NSUN7: variants seen among roughly 807,000 people sequenced by gnomAD.
NSUN7 encodes the protein NOP2/Sun RNA methyltransferase family member 7.
Under a neutral mutation model 58.5 loss-of-function variants are expected in NSUN7, and 39 were observed. That is an observed-to-expected ratio of 0.67 (90% CI 0.52 to 0.87). The LOEUF is 0.87. NSUN7 is among the 40% of genes least tolerant of loss of function. The pLI is 0.00. For synonymous variants in NSUN7, 278 were observed against 303.7 expected, an observed-to-expected ratio of 0.92 and a Z score of 0.88; for missense variants, 765 against 844.1, an observed-to-expected ratio of 0.91 and a Z score of 1.16.
At chr4:40,757,758 A>G (rs1365792038) in intron 2 of NSUN7, among the ~76,000 whole-genome samples, 2 of 150,108 alleles carry the variant, frequency 1.3e-5, no homozygotes, top group Non-Finnish European at 3.0e-5. Flanking sequence ...ACATACATAC[A>G]CAAAAGTAAT....
chr4:40,758,832 C>T (rs1741300818), intron 2 of NSUN7, among the ~76,000 whole-genome samples: 1 of 152,008 alleles, frequency 6.6e-6, no homozygotes, highest in Non-Finnish European at 1.5e-5. Context: ...TTGCAGTAAG[C>T]TGTGACAGCA....
intron 7 of NSUN7, among the ~76,000 whole-genome samples, chr4:40,782,617 C>G (rs1031343870): frequency 6.6e-6 from 1 of 151,696 alleles, no homozygotes; most frequent in Non-Finnish European, 1.5e-5. Flanking sequence ...TCCGTAATCT[C>G]AGCACTTTGG....
intron 7 of NSUN7, among the ~76,000 whole-genome samples, chr4:40,783,581 C>T (rs1742675213): frequency 6.6e-6 from 1 of 152,162 alleles, no homozygotes; most frequent in Non-Finnish European, 1.5e-5. Context: ...GGCACGGTGG[C>T]TCATGCCTGT....
chr4:40,752,082 T>C (rs372355908), intron 2 of NSUN7, among the ~76,000 whole-genome samples: 14 of 152,346 alleles, frequency 9.2e-5, no homozygotes, highest in African/African-American at 3.4e-4. Context: ...TAGCTGTGAC[T>C]AAAAACTTTA....
intron 8 of NSUN7, among the ~76,000 whole-genome samples, chr4:40,792,567 C>G (rs556402472): frequency 6.6e-6 from 1 of 151,990 alleles, no homozygotes; most frequent in Non-Finnish European, 1.5e-5. Context: ...CTGGCTAACA[C>G]GGTGAAACCC....
rs554419808 is a variant in NSUN7, at chr4:40,805,273, TCTCTGGAGG to T, written c.1401-1781_1401-1773del. Among the ~76,000 whole-genome samples the T allele has an allele frequency of 2.7e-3, 412 of 152,218 alleles. 2 individuals carry two copies. Among genetic ancestry groups the T allele is most frequent in the African/African-American group, 9.4e-3 (390 of 41,520 alleles). ...GCTCAGGATATGAGCTAGGCTGAAG[TCTCTGGAGG>T]CTCTGGGAACAGTTTACTTCCAAAC... On this transcript the variant is annotated intron_variant, in intron 10 of 11. Coordinates refer to ENST00000381782, the MANE Select transcript of NSUN7 (RefSeq NM_024677.6).
chr4:40,783,798 AG>A (rs1742686131), intron 7 of NSUN7, among the ~76,000 whole-genome samples: 1 of 152,134 alleles, frequency 6.6e-6, no homozygotes, highest in Non-Finnish European at 1.5e-5. Flanking sequence ...CAGTGAGCCA[AG>A]ATTGTGCCAC....
chr4:40,775,207 A>C lies in NSUN7; in HGVS notation c.825+257A>C, dbSNP rs1290372960. The C allele has an allele frequency of 4.9e-6, 1 of 204,182 alleles. No homozygotes were observed. The highest frequency in any genetic ancestry group is 2.3e-5 in the African/African-American group (1 of 43,598). 12.6% of individuals were successfully genotyped at this position (204,182 alleles called of 1,614,324 possible). A position where few individuals can be genotyped will look rare whatever the true frequency, so the allele number is the denominator to read the frequency against. On this transcript the variant is annotated intron_variant, in intron 6 of 11. Coordinates refer to ENST00000381782, the MANE Select transcript of NSUN7 (RefSeq NM_024677.6). The surrounding 1 kb of genome is among the most constrained non-coding windows in gnomAD (Gnocchi z 4.3). ...GAATGGGAAGATTTGCATTGCTGGC[A>C]GCTGTAAGGTTCTACTTTTCTCCCC...
At chr4:40,786,193 T>G in intron 7 of NSUN7, 1 of 1,613,740 alleles carries the variant, frequency 6.2e-7, no homozygotes, top group Non-Finnish European at 8.5e-7. Context: ...TATTCTGGGT[T>G]TGGACTGTGC....
At chr4:40,770,694 A>G (rs1051902639) in intron 4 of NSUN7, among the ~76,000 whole-genome samples, 2 of 152,250 alleles carry the variant, frequency 1.3e-5, no homozygotes, top group African/African-American at 2.4e-5. Context: ...ATGTAAATGT[A>G]TATTACAAAA....
At chr4:40,795,055 A>G (rs2154288858) in intron 9 of NSUN7, among the ~76,000 whole-genome samples, 1 of 152,320 alleles carries the variant, frequency 6.6e-6, no homozygotes, top group South Asian at 2.1e-4. Flanking sequence ...TCTCTGAGAA[A>G]TTAATAAGCT....
In NSUN7 at chr4:40,774,349, A is replaced by T. The variant is rs1742161988; in HGVS notation, c.573A>T (p.Thr191=). The T allele has an allele frequency of 1.5e-5, 24 of 1,613,872 alleles. No homozygotes were observed. The East Asian group carries it at 5.3e-4, about 36-fold the overall frequency. ...ALSIYHILPE[T]VRKQELRAST... is the part of the protein sequence containing the mutation. ...CAATTTACCACATCCTTCCAGAAAC[A>T]GTTAGGAAACAGGAACTAAGGGCCT... The change falls in exon 5 of 12, where the codon ACA becomes ACT. Residue 191 remains threonine, a synonymous_variant. Transcript: ENST00000381782.
intron 1 of NSUN7, 115 bp from the exon 2 acceptor site, chr4:40,750,488 A>C: frequency 4.1e-6 from 2 of 482,162 alleles, no homozygotes; most frequent in East Asian, 3.7e-5. Flanking sequence ...AGTCTGGGAC[A>C]CTCAGATGGG....
At chr4:40,769,828 C>G (rs751184489) in intron 4 of NSUN7, among the ~76,000 whole-genome samples, 1 of 152,178 alleles carries the variant, frequency 6.6e-6, no homozygotes, top group Non-Finnish European at 1.5e-5. Context: ...TTTCACTTAC[C>G]TAGTAAAGAG....
At chr4:40,754,309 G>C (rs1409317863) in intron 2 of NSUN7, among the ~76,000 whole-genome samples, 1 of 152,054 alleles carries the variant, frequency 6.6e-6, no homozygotes, top group Non-Finnish European at 1.5e-5. Flanking sequence ...ACCATGCCCA[G>C]CTAATTTTTG....
Position 40,808,562 on chromosome 4 carries a change from A to G in NSUN7, c.1780A>G (p.Thr594Ala), listed in dbSNP as rs1743983754. 6.4e-7 allele frequency: 1 copy of G among 1,551,634 alleles called. No homozygotes were observed. ...VTKPPLPQKN[T>A]AQVGASSQTR... ...AAAACCACCTCTTCCCCAGAAAAAT[A>G]CTGCTCAAGTGGGGGCTTCCTCACA... The change falls in exon 12 of 12, where the codon ACT becomes GCT. Residue 594 changes from threonine (T) to alanine (A), a missense_variant. Thr to Ala is a moderately conservative substitution (Grantham distance 58). Transcript: ENST00000381782.
intron 4 of NSUN7, among the ~76,000 whole-genome samples, chr4:40,768,283 C>A (rs1439030187): frequency 6.6e-6 from 1 of 150,990 alleles, no homozygotes; most frequent in African/African-American, 2.4e-5. Context: ...CTCACTGCAA[C>A]CTCCACCTCC....
Position 40,794,467 on chromosome 4 carries a change from G to T in NSUN7, c.1273G>T (p.Ala425Ser). 3 of 1,600,768 alleles carry T rather than the reference G, an allele frequency of 1.9e-6. No homozygotes were observed. Among genetic ancestry groups the T allele is most frequent in the Non-Finnish European group, 1.7e-6 (2 of 1,169,022 alleles). ...ACAGCAGTATGAACAGCTAACACATGCAATGAAATGTAAGGTTGTCATAGG... is the reference window on the plus strand; with the variant it reads ...ACAGCAGTATGAACAGCTAACACATTCAATGAAATGTAAGGTTGTCATAGG... The part of the protein sequence containing the change: ...AQQQYEQLTH[A>S]MKFTKAQAVV... The change falls in exon 9 of 12, where the codon GCA becomes TCA. Residue 425 changes from alanine to serine, a missense_variant. Physicochemically the swap from Ala to Ser is moderately conservative, Grantham distance 99. Coordinates refer to ENST00000381782, the MANE Select transcript of NSUN7 (RefSeq NM_024677.6).
intron 7 of NSUN7, among the ~76,000 whole-genome samples, chr4:40,786,934 T>G (rs930685865): frequency 4.6e-5 from 7 of 152,110 alleles, no homozygotes; most frequent in Non-Finnish European, 8.8e-5. Context: ...CCACAAATCT[T>G]TTGGTACTAC....
Sources: allele counts gnomAD v4.1 joint callset (sites outside exome capture counted in the v4.1 genomes callset), GRCh38; gene constraint gnomAD v4.1.1; non-coding constraint Gnocchi (gnomAD v3.1); transcripts MANE v1.5; gene names NCBI Gene and HGNC (gene_info 2026-07-23, HGNC 2026-07-21).